GSDMB: variants seen among roughly 807,000 people sequenced by gnomAD.
The protein encoded by GSDMB is gasdermin-B.
A neutral mutation model predicts 42.9 loss-of-function variants in GSDMB; 32 were observed. That is an observed-to-expected ratio of 0.75 (90% CI 0.56 to 1.00). The LOEUF (loss-of-function observed/expected upper bound fraction) is 1.00. Among genes scored for constraint, GSDMB ranks in the 50% least tolerant of loss-of-function variants. The probability of loss-of-function intolerance (pLI) is 0.00; values close to 1 mark genes in which losing one functional copy is unlikely to be tolerated. For synonymous variants in GSDMB, 175 were observed against 193.7 expected (o/e 0.90, Z 0.80); for missense variants, 468 against 498.5 (o/e 0.94, Z 0.58).
Position 39,909,653 on chromosome 17 carries a change from G to A in GSDMB, c.576+103C>T, listed in dbSNP as rs547163846. 18 of 1,048,682 alleles carry A rather than the reference G, an allele frequency of 1.7e-5. No homozygotes were observed. The South Asian group carries it at 2.2e-4, about 13-fold the overall frequency. 65.0% of individuals were successfully genotyped at this position (1,048,682 alleles called of 1,614,324 possible). A position where few individuals can be genotyped will look rare whatever the true frequency, so the allele number is the denominator to read the frequency against. On this transcript the variant is annotated intron_variant, in intron 4 of 10. Transcript: ENST00000418519. ...CAAGGTGGCCAAGAGCAGCAGGGCT[G>A]CTCGGAGAGGAGTGAAGGAAGAGTC... is the stretch of plus-strand genomic sequence containing the variant.
intron 2 of GSDMB, among the ~76,000 whole-genome samples, chr17:39,914,953 C>T (rs1439744728): frequency 1.3e-5 from 2 of 151,772 alleles, no homozygotes; most frequent in African/African-American, 4.8e-5. Context: ...TCTCCTGCCT[C>T]AGCCTCCCGA....
chr17:39,909,848 G>C lies in GSDMB; in HGVS notation c.484C>G (p.Leu162Val). ...RENLYLVTET[L>V]ETVKEETLKS... ...AGGGTTTCCTCCTTTACCGTCTCCA[G>C]AGTTTCTGTCACCAGATACAGGTTT... The change falls in exon 4 of 11, where the codon CTG becomes GTG. Residue 162 changes from leucine to valine, a missense_variant. Transcript: ENST00000418519. The C allele has an allele frequency of 6.2e-7, 1 of 1,613,816 alleles. No homozygotes were observed. Among genetic ancestry groups the C allele is most frequent in the Non-Finnish European group, 8.5e-7 (1 of 1,179,700 alleles).
At chr17:39,910,255 C>T (rs989214599) in intron 3 of GSDMB, among the ~76,000 whole-genome samples, 1 of 152,078 alleles carries the variant, frequency 6.6e-6, no homozygotes, top group African/African-American at 2.4e-5. Context: ...ACCCGGGAGG[C>T]GGAGGTTGCA....
Position 39,908,215 on chromosome 17 carries a change from C to G in GSDMB, c.662-1G>C. 6.6e-7 allele frequency: 1 copy of G among 1,517,372 alleles called. No homozygotes were observed. Among genetic ancestry groups the G allele is most frequent in the Non-Finnish European group, 9.0e-7 (1 of 1,116,258 alleles). 94.0% of individuals were successfully genotyped at this position (1,517,372 alleles called of 1,614,324 possible). A position where few individuals can be genotyped will look rare whatever the true frequency, so the allele number is the denominator to read the frequency against. Reference sequence around the variant, plus strand: ...TTTGTTTTGCCCCTGAAATGAATATCTAAACCAGCACCAAAAAGGGAGGAA... The same window carrying G: ...TTTGTTTTGCCCCTGAAATGAATATGTAAACCAGCACCAAAAAGGGAGGAA... On this transcript the variant is annotated splice_acceptor_variant, in intron 5 of 10. Transcript: ENST00000418519. LOFTEE classifies it high-confidence loss of function.
At chr17:39,917,849 C>T (rs1244398122) in intron 1 of GSDMB, 1 of 160,918 alleles carries the variant, frequency 6.2e-6, no homozygotes, top group African/African-American at 2.4e-5. Context: ...GCCAAAGGTT[C>T]CAGGACAATC....
intron 4 of GSDMB, 64 bp downstream of exon 4, chr17:39,909,692 G>T (rs1009935193): frequency 2.1e-6 from 3 of 1,421,668 alleles, no homozygotes; most frequent in Non-Finnish European, 3.0e-6. Flanking sequence ...GGCTGGCATC[G>T]CCTTGACCTG....
At chr17:39,910,005 G>GTGGGAGTTAAGGATCTCAGGGCCTTAC in intron 3 of GSDMB, 81 bp from the exon 4 acceptor site, 1 of 1,086,256 alleles carries the variant, frequency 9.2e-7, no homozygotes, top group Non-Finnish European at 1.4e-6. Flanking sequence ...CTGTGAGCCA[G>GTGGGAGTTAAGGATCTCAGGGCCTTAC]CTCCTATTGA....
chr17:39,910,257 G>A (rs541562662), intron 3 of GSDMB, among the ~76,000 whole-genome samples: 1 of 152,292 alleles, frequency 6.6e-6, no homozygotes, highest in Admixed American at 6.5e-5. Flanking sequence ...CCGGGAGGCG[G>A]AGGTTGCAGT....
chr17:39,914,182 G>A (rs538552814), intron 2 of GSDMB, among the ~76,000 whole-genome samples: 3 of 152,242 alleles, frequency 2.0e-5, no homozygotes, highest in East Asian at 1.9e-4. Flanking sequence ...TTGACAGTAC[G>A]TACCCCTGAT....
intron 2 of GSDMB, among the ~76,000 whole-genome samples, chr17:39,913,489 T>C (rs556216578): frequency 6.6e-6 from 1 of 152,286 alleles, no homozygotes; most frequent in African/African-American, 2.4e-5. Flanking sequence ...GGCACATGCC[T>C]GTAATTCCAG....
chr17:39,908,006 G>A (rs1174542415), intron 6 of GSDMB, among the ~76,000 whole-genome samples, 170 bp downstream of exon 6: 1 of 152,206 alleles, frequency 6.6e-6, no homozygotes, highest in Non-Finnish European at 1.5e-5. Context: ...AGTCCGATGT[G>A]CAATCCAGAC....
rs1344931719 is a variant in GSDMB, at chr17:39,906,365, C to A, written c.728-94G>T. On this transcript the variant is annotated intron_variant, in intron 7 of 10. Coordinates refer to ENST00000418519, the MANE Select transcript of GSDMB (RefSeq NM_001165958.2). ...TTGTCTGACTGTCTTCTGGAGACCA[C>A]CTCTTTGTATCTTCCCTTCTTCCAG... 3 of 1,206,590 alleles carry A rather than the reference C, an allele frequency of 2.5e-6. No homozygotes were observed. The African/African-American group carries it at 4.5e-5, about 18-fold the overall frequency. 74.7% of individuals were successfully genotyped at this position (1,206,590 alleles called of 1,614,324 possible). A position where few individuals can be genotyped will look rare whatever the true frequency, so the allele number is the denominator to read the frequency against.
chr17:39,906,738 C>G, intron 7 of GSDMB: 1 of 1,304,154 alleles, frequency 7.7e-7, no homozygotes, highest in Non-Finnish European at 9.9e-7. Context: ...TCAGTCGTCA[C>G]TAGTTTTAAA....
At chr17:39,913,091 T>C (rs1490141657) in intron 2 of GSDMB, among the ~76,000 whole-genome samples, 5 of 149,312 alleles carry the variant, frequency 3.3e-5, no homozygotes, top group Admixed American at 6.7e-5. Flanking sequence ...TGGAGGAGAG[T>C]GACACTCTGC....
At chr17:39,908,261 C>T (rs992110649) in intron 5 of GSDMB, 47 bp from the exon 6 acceptor site, 2 of 1,013,524 alleles carry the variant, frequency 2.0e-6, no homozygotes, top group Non-Finnish European at 1.5e-6. Flanking sequence ...ATTGGAGAGA[C>T]CAGTTATCAC....
Position 39,917,145 on chromosome 17 carries a change from G to A in GSDMB, c.172C>T (p.Leu58=), listed in dbSNP as rs1427265880. The A allele has an allele frequency of 2.5e-6, 4 of 1,614,166 alleles. No homozygotes were observed. In the Admixed American group the frequency reaches 6.7e-5, roughly 27 times the overall value. ...CCATCTGTGTCCAGAATGTCCATCAGGGTGAGGCCTGTTGTGTAGTGCCGG... is the reference window on the plus strand; with the variant it reads ...CCATCTGTGTCCAGAATGTCCATCAAGGTGAGGCCTGTTGTGTAGTGCCGG... ...GCRHYTTGLT[L]MDILDTDGDK... Residue 58 remains leucine, a synonymous_variant, in exon 2 of 11, where the codon CTG becomes TTG. Transcript: ENST00000418519.
At chr17:39,908,304 T>G in intron 5 of GSDMB, 90 bp from the exon 6 acceptor site, 1 of 480,654 alleles carries the variant, frequency 2.1e-6, no homozygotes. Flanking sequence ...TCCCTCTCAA[T>G]CCCTATACCA....
At chr17:39,912,111 C>T (rs1243916583) in intron 3 of GSDMB, among the ~76,000 whole-genome samples, 2 of 151,946 alleles carry the variant, frequency 1.3e-5, no homozygotes, top group Admixed American at 1.3e-4. Context: ...AAGAGGAAGG[C>T]GTGCTTGCGT....
chr17:39,909,189 A>T, intron 4 of GSDMB, 147 bp from the exon 5 acceptor site: 1 of 589,988 alleles, frequency 1.7e-6, no homozygotes. Flanking sequence ...AGCAGGTGAG[A>T]CAGTCTCACA....
Sources: allele counts gnomAD v4.1 joint callset (sites outside exome capture counted in the v4.1 genomes callset), GRCh38; gene constraint gnomAD v4.1.1; transcripts MANE v1.5; gene names NCBI Gene and HGNC (gene_info 2026-07-23, HGNC 2026-07-21).